ABI3BP: variants seen among roughly 807,000 people sequenced by gnomAD.
ABI3BP encodes target of Nesh-SH3.
Under a neutral mutation model 268.6 loss-of-function variants are expected in ABI3BP, and 216 were observed. That is an observed-to-expected ratio of 0.80 (90% CI 0.72 to 0.90). The LOEUF is 0.90. Among genes scored for constraint, ABI3BP ranks in the 40% least tolerant of loss-of-function variants. ABI3BP has a pLI of 0.00. For synonymous variants in ABI3BP, 730 were observed against 730.0 expected, an observed-to-expected ratio of 1.00 and a Z score of 0.00; for missense variants, 2,090 against 2,182.4, an observed-to-expected ratio of 0.96 and a Z score of 0.84.
At chr3:100,783,598 G>C (rs919191099) in intron 57 of ABI3BP, among the ~76,000 whole-genome samples, 1 of 152,178 alleles carries the variant, frequency 6.6e-6, no homozygotes, top group Non-Finnish European at 1.5e-5. Context: ...CTGTGAAAGA[G>C]ACTGTTTTGC....
chr3:100,756,881 GT>G (rs939676204), intron 63 of ABI3BP, among the ~76,000 whole-genome samples: 3 of 138,854 alleles, frequency 2.2e-5, no homozygotes, highest in Non-Finnish European at 4.7e-5. Context: ...GCACATTTTT[GT>G]TTTGGCCTGA....
chr3:100,792,601 G>A (rs2097226048), intron 55 of ABI3BP, 90 bp downstream of exon 55: 2 of 1,322,056 alleles, frequency 1.5e-6, no homozygotes, highest in Non-Finnish European at 2.1e-6. Flanking sequence ...AATCCACTGT[G>A]TTGAGAAATG....
Position 100,824,850 on chromosome 3 carries a change from A to G in ABI3BP, c.2746+8T>C. ...GATCACCCTTAAACCAAGGAATCAC[A>G]GATTTACCAGGTTTGGTCTCAGGTG... On this transcript the variant is annotated splice_region_variant and intron_variant, in intron 36 of 67. Coordinates refer to ENST00000471714, the MANE Select transcript of ABI3BP (RefSeq NM_001375547.2). The G allele has an allele frequency of 6.5e-7, 1 of 1,533,664 alleles. No homozygotes were observed. Among genetic ancestry groups the G allele is most frequent in the Non-Finnish European group, 8.7e-7 (1 of 1,144,728 alleles).
intron 4 of ABI3BP, among the ~76,000 whole-genome samples, chr3:100,895,553 TA>T: frequency 6.6e-6 from 1 of 152,056 alleles, no homozygotes; most frequent in South Asian, 2.1e-4. Flanking sequence ...ATCATTTTTT[TA>T]AAAAATCAGA....
chr3:100,769,539 T>A (rs1050694447), intron 62 of ABI3BP, among the ~76,000 whole-genome samples: 1 of 152,236 alleles, frequency 6.6e-6, no homozygotes, highest in Non-Finnish European at 1.5e-5. Flanking sequence ...CAGTTCCAAC[T>A]CAATGTTCCG....
At chr3:100,920,398 TAG>T (rs1233271054) in intron 2 of ABI3BP, among the ~76,000 whole-genome samples, 2 of 152,188 alleles carry the variant, frequency 1.3e-5, no homozygotes, top group Admixed American at 6.5e-5. Context: ...TACTCTGTGC[TAG>T]AGTCTATATT....
At chr3:100,911,192 C>A in intron 2 of ABI3BP, 1 of 393,184 alleles carries the variant, frequency 2.5e-6, no homozygotes, top group South Asian at 3.1e-5. Context: ...GCTGGACTAG[C>A]TTCAGGAATG....
chr3:100,824,477 C>CA (rs780097599), intron 36 of ABI3BP, among the ~76,000 whole-genome samples: 8 of 152,192 alleles, frequency 5.3e-5, no homozygotes, highest in Non-Finnish European at 1.2e-4. Flanking sequence ...CTAAAGCTGA[C>CA]ATATCACCCA....
At chr3:100,810,298 C>T (rs772929229) in intron 49 of ABI3BP, 114 bp downstream of exon 49, 1 of 812,316 alleles carries the variant, frequency 1.2e-6, no homozygotes, top group South Asian at 1.9e-5. Flanking sequence ...TAGGATTACC[C>T]ATCAAAGTCT....
intron 4 of ABI3BP, among the ~76,000 whole-genome samples, chr3:100,895,272 TC>T (rs2047133319): frequency 6.6e-6 from 1 of 152,058 alleles, no homozygotes; most frequent in African/African-American, 2.4e-5. Context: ...ATGAAGCACA[TC>T]TGCTCTCCGA....
chr3:100,938,392 G>T (rs933791363), intron 1 of ABI3BP, among the ~76,000 whole-genome samples: 1 of 151,932 alleles, frequency 6.6e-6, no homozygotes, highest in African/African-American at 2.4e-5. Context: ...CATAGCATGG[G>T]CTTTCTGTTC....
At chr3:100,966,704 TC>T (rs1234182839) in intron 1 of ABI3BP, among the ~76,000 whole-genome samples, 1 of 152,174 alleles carries the variant, frequency 6.6e-6, no homozygotes, top group African/African-American at 2.4e-5. Flanking sequence ...TCAAAATACC[TC>T]CCCTGATCCA....
In ABI3BP at chr3:100,824,908, C is replaced by T. The variant is rs1296855502; in HGVS notation, c.2696G>A (p.Arg899His). 17 of 1,535,894 alleles carry T rather than the reference C, an allele frequency of 1.1e-5. No homozygotes were observed. In the Admixed American group the frequency reaches 1.4e-4, roughly 12 times the overall value. Residue 899 changes from arginine (R) to histidine (H), a missense_variant, in exon 36 of 68, where the codon CGT (arginine) becomes CAT (histidine). Arg to His is a conservative substitution (Grantham distance 29). Transcript: ENST00000471714. ...TKTSKRTRPP[R>H]PRPKTTPSPQ... is the part of the protein sequence containing the mutation. ...GCTCGGTGTAGTTTTAGGTCTGGGA[C>T]GTGGAGGGCGGGTTCTTTTTGATGT...
intron 2 of ABI3BP, among the ~76,000 whole-genome samples, chr3:100,921,065 C>G (rs2060068847): frequency 6.6e-6 from 1 of 152,120 alleles, no homozygotes. Flanking sequence ...GAGTTATAGG[C>G]AAGATAGTGA....
intron 4 of ABI3BP, among the ~76,000 whole-genome samples, chr3:100,889,104 C>T (rs1216421382): frequency 1.3e-5 from 2 of 152,052 alleles, no homozygotes; most frequent in Non-Finnish European, 2.9e-5. Context: ...CACATCATTG[C>T]ATAACGCACC....
intron 9 of ABI3BP, among the ~76,000 whole-genome samples, chr3:100,871,024 G>A (rs1024736802): frequency 6.6e-6 from 1 of 152,178 alleles, no homozygotes; most frequent in Non-Finnish European, 1.5e-5. Flanking sequence ...TGAGGGATGG[G>A]ATGGAGAGGG....
chr3:100,912,074 T>C, intron 2 of ABI3BP: 1 of 701,268 alleles, frequency 1.4e-6, no homozygotes. Context: ...CCTTCATCTT[T>C]TACTTCCTTA....
At chr3:100,894,402 TG>T (rs2046175322) in intron 4 of ABI3BP, among the ~76,000 whole-genome samples, 1 of 152,118 alleles carries the variant, frequency 6.6e-6, no homozygotes, top group South Asian at 2.1e-4. Flanking sequence ...TGTATTTACT[TG>T]GGGCCTCCTA....
At chr3:100,910,472 A>G (rs1198000077) in intron 2 of ABI3BP, among the ~76,000 whole-genome samples, 2 of 152,028 alleles carry the variant, frequency 1.3e-5, no homozygotes, top group Non-Finnish European at 2.9e-5. Flanking sequence ...TAAAAAGTAA[A>G]TTTTCATACA....
Sources: allele counts gnomAD v4.1 joint callset (sites outside exome capture counted in the v4.1 genomes callset), GRCh38; gene constraint gnomAD v4.1.1; transcripts MANE v1.5; gene names NCBI Gene and HGNC (gene_info 2026-07-23, HGNC 2026-07-21).